Variants in TARBP2 observed in about 807,000 individuals in gnomAD.
TARBP2 encodes RISC-loading complex subunit TARBP2.
Under a neutral mutation model 40.4 loss-of-function variants are expected in TARBP2, and 23 were observed. The ratio of observed to expected loss-of-function variants is 0.57; its 90% CI spans 0.41 to 0.81. TARBP2 has a LOEUF of 0.81. Ranked by LOEUF, TARBP2 falls within the 30% of genes least tolerant of loss-of-function variation. The probability of loss-of-function intolerance (pLI) is 0.00; values close to 1 mark genes in which losing one functional copy is unlikely to be tolerated. For missense variants in TARBP2, 358 were observed against 473.7 expected, an observed-to-expected ratio of 0.76 and a Z score of 2.27; for synonymous variants, 183 against 190.5, an observed-to-expected ratio of 0.96 and a Z score of 0.32.
intron 2 of TARBP2, chr12:53,502,775 G>T: frequency 2.8e-6 from 1 of 360,806 alleles, no homozygotes; most frequent in Non-Finnish European, 5.1e-6. Flanking sequence ...TAAAGCATTT[G>T]CGCTCAGAAG....
In TARBP2 at chr12:53,502,123, G is replaced by A; in HGVS notation, c.162G>A (p.Glu54=). 6.2e-7 allele frequency: 1 copy of A among 1,614,186 alleles called. No homozygotes were observed. Among genetic ancestry groups the A allele is most frequent in the Non-Finnish European group, 8.5e-7 (1 of 1,180,038 alleles). Residue 54 remains glutamate (E), a synonymous_variant, in exon 2 of 9, where the codon GAG becomes GAA. Transcript: ENST00000266987. ...KTPVYDLLKA[E]GQAHQPNFTF... ...CTGTGTACGACCTTCTCAAAGCCGA[G>A]GGCCAAGCCCACCAGCCTAATTTCA...
rs1313561496 is a variant in TARBP2, at chr12:53,505,703, G to T, written c.796G>T (p.Asp266Tyr). ...AAACCGGGGCCCAGGTTGCACCTGG[G>T]ATTCTCTACGAAATTCAGTAGGAGA... ...LRNRGPGCTW[D>Y]SLRNSVGEKI... Residue 266 changes from aspartate to tyrosine, a missense_variant, in exon 8 of 9, where the codon GAT (aspartate) becomes TAT (tyrosine). Coordinates refer to ENST00000266987, the MANE Select transcript of TARBP2 (RefSeq NM_134323.2). The surrounding 1 kb of genome is among the most constrained non-coding windows in gnomAD (Gnocchi z 4.5). 2 of 1,614,026 alleles carry T rather than the reference G, an allele frequency of 1.2e-6. No individual in the cohort carries two copies. The highest frequency in any genetic ancestry group is 1.7e-6 in the Non-Finnish European group (2 of 1,180,022).
chr12:53,503,321 G>A (rs190376238), intron 3 of TARBP2, 192 bp downstream of exon 3: 128 of 1,326,450 alleles, frequency 9.6e-5, no homozygotes, highest in Admixed American at 6.2e-4. Flanking sequence ...TGGAGGGGTT[G>A]GTTAGCCCCA....
At chr12:53,501,055 T>A (rs369719479), upstream of TARBP2, 11 of 317,016 alleles carry the variant, frequency 3.5e-5, no homozygotes, top group African/African-American at 2.2e-4. Context: ...AGTACGCATG[T>A]CCACAGCTTC....
At chr12:53,504,628 G>A (rs756890605) in intron 5 of TARBP2, 70 bp from the exon 6 acceptor site, 16 of 1,613,390 alleles carry the variant, frequency 9.9e-6, no homozygotes, top group Non-Finnish European at 1.4e-5. Flanking sequence ...AGGCTCCTGC[G>A]TGGGGACCAG....
chr12:53,501,724 C>T (rs1488855478), intron 1 of TARBP2: 6 of 1,427,054 alleles, frequency 4.2e-6, no homozygotes, highest in South Asian at 1.5e-5. Context: ...TACTGGGTTC[C>T]TGGCTTGCAC....
In TARBP2 at chr12:53,505,914, G is replaced by T. The variant is rs990570588; in HGVS notation, c.943+64G>T. The T allele has an allele frequency of 1.2e-6, 2 of 1,605,456 alleles. No homozygotes were observed. Among genetic ancestry groups the T allele is most frequent in the African/African-American group, 1.3e-5 (1 of 74,736 alleles). On this transcript the variant is annotated intron_variant, in intron 8 of 8. Coordinates refer to ENST00000266987, the MANE Select transcript of TARBP2 (RefSeq NM_134323.2). The surrounding 1 kb of genome is among the most constrained non-coding windows in gnomAD (Gnocchi z 4.5). ...GCTGGACCGGAGCAAGTAGAAGGGG[G>T]TGATGATAACGTGAACGCACCCCTC...
At position 53,505,855 on chromosome 12, in the gene TARBP2, G is replaced by A; in HGVS notation, c.943+5G>A. 6.2e-7 allele frequency: 1 copy of A among 1,612,854 alleles called. No individual in the cohort carries two copies. Among genetic ancestry groups the A allele is most frequent in the Non-Finnish European group, 8.5e-7 (1 of 1,179,026 alleles). On this transcript the variant is annotated splice_donor_5th_base_variant and intron_variant, in intron 8 of 8. Transcript: ENST00000266987. This position sits in a 1 kb window ranked among gnomAD's most constrained non-coding sequence, Gnocchi z 4.5. Reference sequence around the variant, plus strand: ...ACGTCAGCTACCTGGATATTGGTATGGCTAGCTGGGGAGCGAGCCAGGGGA... The same window carrying A: ...ACGTCAGCTACCTGGATATTGGTATAGCTAGCTGGGGAGCGAGCCAGGGGA...
upstream of TARBP2, chr12:53,501,091 A>C: frequency 2.5e-6 from 1 of 405,902 alleles, no homozygotes; most frequent in Non-Finnish European, 4.5e-6. Context: ...GGGGGCGCGG[A>C]AGGAAGGAGG....
At chr12:53,501,265 C>CG (rs1326606118), upstream of TARBP2, 27 of 803,982 alleles carry the variant, frequency 3.4e-5, no homozygotes, top group Admixed American at 1.0e-4. Context: ...GTAGGGTGGG[C>CG]GGGGGACTCC....
intron 3 of TARBP2, 57 bp from the exon 4 acceptor site, chr12:53,503,656 C>G: frequency 1.5e-6 from 2 of 1,312,406 alleles, no homozygotes; most frequent in South Asian, 2.4e-5. Context: ...GGGTCCCCCA[C>G]CCCTCTCTTC....
Position 53,504,753 on chromosome 12 carries a change from C to G in TARBP2, c.551C>G (p.Ser184Cys). The G allele has an allele frequency of 1.9e-6, 3 of 1,614,162 alleles. No individual in the cohort carries two copies. The highest frequency in any genetic ancestry group is 2.5e-6 in the Non-Finnish European group (3 of 1,180,036). Residue 184 changes from serine to cysteine, a missense_variant, in exon 6 of 9, where the codon TCT (serine) becomes TGT (cysteine). Physicochemically the swap from Ser to Cys is moderately radical, Grantham distance 112. This residue lies in a region of TARBP2 where 317 missense variants were observed against 422.9 expected (regional missense o/e 0.75). Transcript: ENST00000266987. ...CCGGAGTACACAGTGACCCAGGAGT[C>G]TGGGCCAGCCCACCGCAAAGAATTC... Reference protein sequence around the residue: ...RLPEYTVTQESGPAHRKEFTM... With the variant: ...RLPEYTVTQECGPAHRKEFTM...
chr12:53,502,890 C>T (rs538290035), intron 2 of TARBP2, 137 bp from the exon 3 acceptor site: 1 of 787,218 alleles, frequency 1.3e-6, no homozygotes, highest in East Asian at 3.2e-5. Context: ...TGAAACACTT[C>T]CAGTCTTCAG....
chr12:53,504,584 AC>A (rs1383229220), intron 5 of TARBP2, 113 bp from the exon 6 acceptor site: 2 of 1,604,350 alleles, frequency 1.2e-6, no homozygotes, highest in Non-Finnish European at 8.5e-7. Flanking sequence ...GGCCCTTTCC[AC>A]CCCCCTCTCT....
rs544802344 is a variant in TARBP2 at position 53,506,327 on chromosome 12, C to A, written c.*179C>A. The A allele has an allele frequency of 4.1e-6, 3 of 726,458 alleles. No individual in the cohort carries two copies. In the East Asian group the frequency reaches 8.2e-5, roughly 20 times the overall value. The allele number at this position is 726,458 out of a possible 1,614,324, so 45.0% of individuals were successfully genotyped here. The stretch of plus-strand genomic sequence containing the variant: ...GAGCCAAGGACCACAGAGCCTCAGC[C>A]AGCCCAGGATCCGTCCTCATTTTAT... On this transcript the variant is annotated 3_prime_UTR_variant, in exon 9 of 9. Coordinates refer to ENST00000266987, the MANE Select transcript of TARBP2 (RefSeq NM_134323.2).
rs1340677655 is a variant in TARBP2 at position 53,506,285 on chromosome 12, A to G, written c.*137A>G. ...ACACAGACTGCCTGCCTTGAAGCTG[A>G]GAAGGCACAGGGCAAGGAGCCAAGG... On this transcript the variant is annotated 3_prime_UTR_variant, in exon 9 of 9. Coordinates refer to ENST00000266987, the MANE Select transcript of TARBP2 (RefSeq NM_134323.2). 2 of 1,172,026 alleles carry G rather than the reference A, an allele frequency of 1.7e-6. No individual in the cohort carries two copies. The highest frequency in any genetic ancestry group is 2.4e-6 in the Non-Finnish European group (2 of 850,838). 72.6% of individuals were successfully genotyped at this position (1,172,026 alleles called of 1,614,324 possible). A position where few individuals can be genotyped will look rare whatever the true frequency, so the allele number is the denominator to read the frequency against.
chr12:53,501,621 G>T (rs1218446438), intron 1 of TARBP2, 160 bp downstream of exon 1: 10 of 1,465,444 alleles, frequency 6.8e-6, no homozygotes, highest in Middle Eastern at 2.2e-4. Flanking sequence ...AGTGGCTGCT[G>T]CCTCCAGCTC....
chr12:53,505,940 C>T lies in TARBP2; in HGVS notation c.944-51C>T, dbSNP rs1943963974. ...TGATGATAACGTGAACGCACCCCTC[C>T]CCAGGGCTACCTCCCCCAACATTGC... is the stretch of plus-strand genomic sequence containing the variant. On this transcript the variant is annotated intron_variant, in intron 8 of 8. Coordinates refer to ENST00000266987, the MANE Select transcript of TARBP2 (RefSeq NM_134323.2). The surrounding 1 kb of genome is among the most constrained non-coding windows in gnomAD (Gnocchi z 4.5). 6.2e-7 allele frequency: 1 copy of T among 1,605,172 alleles called. No homozygotes were observed. Among genetic ancestry groups the T allele is most frequent in the African/African-American group, 1.3e-5 (1 of 74,744 alleles).
intron 4 of TARBP2, 77 bp downstream of exon 4, chr12:53,503,885 A>C: frequency 9.1e-7 from 1 of 1,101,900 alleles, no homozygotes; most frequent in Non-Finnish European, 1.4e-6. Flanking sequence ...CTTGGACCCA[A>C]GCTGGTCAGG....
Sources: allele counts gnomAD v4.1 joint callset, GRCh38; gene constraint gnomAD v4.1.1; regional missense constraint gnomAD v4.1.1; non-coding constraint Gnocchi (gnomAD v3.1); transcripts MANE v1.5; gene names NCBI Gene and HGNC (gene_info 2026-07-23, HGNC 2026-07-21).